Variants in CAPZB observed in about 807,000 individuals in gnomAD.
CAPZB encodes the protein F-actin-capping protein subunit beta.
A neutral mutation model predicts 38.1 loss-of-function variants in CAPZB; 2 were observed. The ratio of observed to expected loss-of-function variants is 0.05; its 90% confidence interval spans 0.02 to 0.17. The LOEUF (loss-of-function observed/expected upper bound fraction) is 0.17, where lower values mean the gene tolerates loss of function less well. Among genes scored for constraint, CAPZB ranks in the 10% least tolerant of loss-of-function variants. CAPZB has a pLI of 1.00. For synonymous variants in CAPZB, 107 were observed against 127.4 expected (o/e 0.84, Z 1.08); for missense variants, 161 against 334.2 (o/e 0.48, Z 4.04).
chr1:19,432,470 T>C (rs887224553), intron 1 of CAPZB, among the ~76,000 whole-genome samples: 10 of 152,332 alleles, frequency 6.6e-5, no homozygotes, highest in Middle Eastern at 3.4e-3. Flanking sequence ...AGAATACTTA[T>C]ATATTGTCCA....
intron 4 of CAPZB, among the ~76,000 whole-genome samples, chr1:19,369,503 C>G (rs71645446): frequency 0.13 from 19,372 of 152,296 alleles, 1,377 homozygotes; most frequent in East Asian, 0.23. Context: ...TGTCCCACAG[C>G]AGGCAGGGCG....
At chr1:19,463,020 G>A (rs1486830123) in intron 1 of CAPZB, among the ~76,000 whole-genome samples, 2 of 152,230 alleles carry the variant, frequency 1.3e-5, no homozygotes, top group African/African-American at 2.4e-5. Flanking sequence ...CAGCTGCAAA[G>A]AGAAGATATC....
chr1:19,380,262 C>T (rs1334937521), intron 3 of CAPZB, among the ~76,000 whole-genome samples: 2 of 152,104 alleles, frequency 1.3e-5, no homozygotes, highest in African/African-American at 4.8e-5. Flanking sequence ...GCAGGAATTA[C>T]ACTCCTGATC....
intron 1 of CAPZB, among the ~76,000 whole-genome samples, chr1:19,458,073 T>C (rs1450047129): frequency 1.4e-5 from 2 of 143,210 alleles, no homozygotes; most frequent in Admixed American, 1.4e-4. Flanking sequence ...AAAAACCTCA[T>C]GTATATAAGA....
In CAPZB at chr1:19,434,746, C is replaced by A. The variant is rs910228710; in HGVS notation, c.4-14996G>T. On this transcript the variant is annotated intron_variant, in intron 1 of 8. Coordinates refer to ENST00000264202, the MANE Select transcript of CAPZB (RefSeq NM_004930.5). ...GGAGTTCAAACCAGCTTGGGCAACA[C>A]GGTAAAACCCCGTCTCTACAAAAAA... Among the ~76,000 whole-genome samples the A allele has an allele frequency of 5.3e-5, 8 of 152,100 alleles. No individual in the cohort carries two copies. In the South Asian group the frequency reaches 1.7e-3, roughly 32 times the overall value.
intron 8 of CAPZB, among the ~76,000 whole-genome samples, chr1:19,343,604 G>A (rs1013006307): frequency 4.6e-5 from 7 of 152,186 alleles, no homozygotes; most frequent in Non-Finnish European, 8.8e-5. Context: ...GGGAGATCCC[G>A]GCCTCCTGAC....
chr1:19,483,923 C>T (rs1251738744), intron 1 of CAPZB, among the ~76,000 whole-genome samples: 1 of 152,192 alleles, frequency 6.6e-6, no homozygotes, highest in African/African-American at 2.4e-5. Flanking sequence ...AACAAGGAAC[C>T]ATGGTCCTCA....
chr1:19,448,732 G>T, intron 1 of CAPZB: 2 of 1,389,340 alleles, frequency 1.4e-6, no homozygotes, highest in Non-Finnish European at 2.0e-6. Context: ...CATCAGCTTT[G>T]CTATTTACTT....
In CAPZB at chr1:19,460,574, C is replaced by CTTTTTTTT. The variant is rs35288971; in HGVS notation, c.3+24854_3+24861dup. 7.8e-3 allele frequency among the ~76,000 whole-genome samples: 708 copies of CTTTTTTTT among 90,968 alleles called. 3 individuals carry two copies. Among genetic ancestry groups the CTTTTTTTT allele is most frequent in the African/African-American group, 0.011 (247 of 21,768 alleles). 59.7% of individuals were successfully genotyped at this position (90,968 alleles called of 152,430 possible). A position where few individuals can be genotyped will look rare whatever the true frequency, so the allele number is the denominator to read the frequency against. On this transcript the variant is annotated intron_variant, in intron 1 of 8. Coordinates refer to ENST00000264202, the MANE Select transcript of CAPZB (RefSeq NM_004930.5). ...ACAGGCGTGAGCCACTGTGCCCAGG[C>CTTTTTTTT]TTTTTTTTTTTTTTTTTTTTTTTGT...
chr1:19,344,082 G>T (rs945969491), intron 8 of CAPZB, among the ~76,000 whole-genome samples: 1 of 152,234 alleles, frequency 6.6e-6, no homozygotes, highest in African/African-American at 2.4e-5. Flanking sequence ...CTGCAGGGCT[G>T]AGGAGGCTCC....
intron 1 of CAPZB, among the ~76,000 whole-genome samples, chr1:19,437,841 T>C (rs963472704): frequency 2.0e-5 from 3 of 152,290 alleles, no homozygotes; most frequent in Admixed American, 1.3e-4. Flanking sequence ...AATACTTAGC[T>C]CATAAGTTCT....
intron 1 of CAPZB, among the ~76,000 whole-genome samples, chr1:19,475,276 G>C (rs1418388338): frequency 1.3e-5 from 2 of 152,140 alleles, no homozygotes; most frequent in African/African-American, 2.4e-5. Context: ...GAACTGCCCT[G>C]GTCTATACAT....
chr1:19,478,120 G>GT (rs2094613472), intron 1 of CAPZB, among the ~76,000 whole-genome samples: 1 of 152,184 alleles, frequency 6.6e-6, no homozygotes, highest in African/African-American at 2.4e-5. Flanking sequence ...CTGCAATGTG[G>GT]TAAGAGCTCT....
intron 1 of CAPZB, among the ~76,000 whole-genome samples, chr1:19,428,178 G>T (rs762279797): frequency 2.8e-4 from 42 of 152,232 alleles, no homozygotes; most frequent in Non-Finnish European, 3.1e-4. Context: ...GGAGGCGGGT[G>T]GATCACTTGA....
At chr1:19,365,146 A>G (rs1307996332) in intron 4 of CAPZB, among the ~76,000 whole-genome samples, 1 of 152,128 alleles carries the variant, frequency 6.6e-6, no homozygotes, top group Non-Finnish European at 1.5e-5. Flanking sequence ...GTACAGCTGA[A>G]TATTTTTTCT....
intron 1 of CAPZB, among the ~76,000 whole-genome samples, chr1:19,475,741 A>G (rs2094604535): frequency 6.6e-6 from 1 of 152,208 alleles, no homozygotes; most frequent in Non-Finnish European, 1.5e-5. Context: ...ACCACATGAA[A>G]GGCTGGTTAA....
At chr1:19,368,618 C>A (rs1343546053) in intron 4 of CAPZB, among the ~76,000 whole-genome samples, 1 of 151,162 alleles carries the variant, frequency 6.6e-6, no homozygotes, top group Admixed American at 6.6e-5. Flanking sequence ...TTCTCTGCCT[C>A]ACTGAGGCAG....
At chr1:19,391,790 G>A (rs1367139309) in intron 2 of CAPZB, among the ~76,000 whole-genome samples, 3 of 152,140 alleles carry the variant, frequency 2.0e-5, no homozygotes, top group East Asian at 1.9e-4. Context: ...CCGAATGCCC[G>A]CTCCAGGCCC....
Position 19,339,512 on chromosome 1 carries a change from T to G in CAPZB, c.*18A>C. 6.3e-7 allele frequency: 1 copy of G among 1,586,002 alleles called. No homozygotes were observed. Among genetic ancestry groups the G allele is most frequent in the Non-Finnish European group, 8.7e-7 (1 of 1,154,314 alleles). On this transcript the variant is annotated 3_prime_UTR_variant, in exon 9 of 9. Transcript: ENST00000264202. ...TCTAACGAGTGCACGGCGTGTCTGGTTAGCATGAAACAGAGGTTTAGCATT... is the reference window on the plus strand; with the variant it reads ...TCTAACGAGTGCACGGCGTGTCTGGGTAGCATGAAACAGAGGTTTAGCATT...
Sources: allele counts gnomAD v4.1 joint callset (sites outside exome capture counted in the v4.1 genomes callset), GRCh38; gene constraint gnomAD v4.1.1; transcripts MANE v1.5; gene names NCBI Gene and HGNC (gene_info 2026-07-23, HGNC 2026-07-21).